The following WWOX variants were observed in gnomAD, a reference collection of about 807,000 sequenced individuals.
WWOX encodes WW domain containing oxidoreductase.
A neutral mutation model predicts 46.2 loss-of-function variants in WWOX; 69 were observed. The observed-to-expected ratio is 1.49, with a 90% confidence interval of 1.23 to 1.82. The LOEUF (loss-of-function observed/expected upper bound fraction) is 1.82. Ranked by LOEUF, WWOX falls within the 40% of genes most tolerant of loss-of-function variation. The pLI is 0.00. For synonymous variants in WWOX, 359 were observed against 202.6 expected, an observed-to-expected ratio of 1.77 and a Z score of -6.56; for missense variants, 919 against 542.6, an observed-to-expected ratio of 1.69 and a Z score of -6.89.
At chr16:78,622,953 C>T (rs1418727743) in intron 8 of WWOX, among the ~76,000 whole-genome samples, 3 of 152,030 alleles carry the variant, frequency 2.0e-5, no homozygotes, top group Non-Finnish European at 4.4e-5. Context: ...TAAGGAACTG[C>T]ATTTGGCTTC....
intron 8 of WWOX, among the ~76,000 whole-genome samples, chr16:78,855,068 G>C (rs2052535889): frequency 6.6e-6 from 1 of 152,146 alleles, no homozygotes; most frequent in African/African-American, 2.4e-5. Flanking sequence ...TACCTAGAAA[G>C]ATTAGGAAAG....
At chr16:78,269,479 T>TTG (rs1340525404) in intron 5 of WWOX, among the ~76,000 whole-genome samples, 1 of 152,150 alleles carries the variant, frequency 6.6e-6, no homozygotes, top group Non-Finnish European at 1.5e-5. Context: ...CTGTGACATA[T>TTG]TGTTTAACAC....
intron 4 of WWOX, among the ~76,000 whole-genome samples, chr16:78,159,797 G>A (rs2034730925): frequency 1.3e-5 from 2 of 149,098 alleles, no homozygotes; most frequent in Non-Finnish European, 3.0e-5. Context: ...CCCTTTCAGT[G>A]TCTTGATTGT....
chr16:78,875,809 A>G (rs2044222913), intron 8 of WWOX, among the ~76,000 whole-genome samples: 1 of 152,194 alleles, frequency 6.6e-6, no homozygotes, highest in African/African-American at 2.4e-5. Context: ...TGACACGGTT[A>G]TTGACTTACA....
intron 8 of WWOX, among the ~76,000 whole-genome samples, chr16:78,969,282 T>G (rs2046424013): frequency 6.6e-6 from 1 of 151,588 alleles, no homozygotes; most frequent in Non-Finnish European, 1.5e-5. Flanking sequence ...TTTTTTTTTT[T>G]CTTTTTGAGG....
At chr16:79,016,447 G>C (rs947336926) in intron 8 of WWOX, 4 of 152,278 alleles carry the variant, frequency 2.6e-5, no homozygotes, top group South Asian at 2.1e-4. Context: ...TTTTGAGACA[G>C]AGTCTCGCTC....
intron 8 of WWOX, among the ~76,000 whole-genome samples, chr16:79,136,982 C>G (rs922520420): frequency 1.3e-5 from 2 of 152,102 alleles, no homozygotes; most frequent in Admixed American, 6.5e-5. Context: ...AAATAGAGCT[C>G]CAAGGTGGAG....
intron 8 of WWOX, among the ~76,000 whole-genome samples, chr16:78,628,744 C>A (rs1055053416): frequency 3.3e-5 from 5 of 152,070 alleles, no homozygotes; most frequent in Non-Finnish European, 4.4e-5. Context: ...TAATTTCTTG[C>A]TTTCAAATGA....
At chr16:78,755,022 G>A (rs566726260) in intron 8 of WWOX, among the ~76,000 whole-genome samples, 2 of 150,574 alleles carry the variant, frequency 1.3e-5, no homozygotes, top group East Asian at 1.9e-4. Context: ...ACGGGAGGGG[G>A]GAACATCACA....
intron 8 of WWOX, among the ~76,000 whole-genome samples, chr16:78,878,240 G>T (rs770779180): frequency 1.3e-5 from 2 of 152,080 alleles, no homozygotes; most frequent in African/African-American, 2.4e-5. Flanking sequence ...TCATGACATT[G>T]GGCAGATGAC....
chr16:78,950,285 G>T (rs908921271), intron 8 of WWOX, among the ~76,000 whole-genome samples: 2 of 152,120 alleles, frequency 1.3e-5, no homozygotes, highest in African/African-American at 4.8e-5. Flanking sequence ...CCTTTGGAGT[G>T]GGGCGGTATT....
intron 8 of WWOX, among the ~76,000 whole-genome samples, chr16:78,927,495 C>A (rs2045525463): frequency 6.6e-6 from 1 of 152,120 alleles, no homozygotes; most frequent in Non-Finnish European, 1.5e-5. Context: ...CAGCACGGAG[C>A]CCAGAGCCAG....
At chr16:78,299,594 C>A (rs1053157782) in intron 5 of WWOX, among the ~76,000 whole-genome samples, 4 of 150,448 alleles carry the variant, frequency 2.7e-5, no homozygotes, top group Non-Finnish European at 5.9e-5. Context: ...TTGGCAAGAT[C>A]GTAGCTCACT....
intron 8 of WWOX, among the ~76,000 whole-genome samples, chr16:78,926,671 C>G (rs1403508892): frequency 6.6e-6 from 1 of 152,174 alleles, no homozygotes; most frequent in Non-Finnish European, 1.5e-5. Context: ...TGACCTTTAT[C>G]ATTTGTTCAG....
chr16:78,541,145 T>G (rs892663018), intron 8 of WWOX, among the ~76,000 whole-genome samples: 1 of 152,078 alleles, frequency 6.6e-6, no homozygotes, highest in African/African-American at 2.4e-5. Flanking sequence ...ATTTACAAAA[T>G]TGCACATACT....
chr16:78,520,864 A>G (rs551328525), intron 8 of WWOX, among the ~76,000 whole-genome samples: 8 of 152,302 alleles, frequency 5.3e-5, no homozygotes, highest in African/African-American at 1.9e-4. Context: ...GTTGTATCTT[A>G]TAGGCAAGAG....
chr16:78,893,766 C>G (rs1008582852), intron 8 of WWOX, among the ~76,000 whole-genome samples: 1 of 152,116 alleles, frequency 6.6e-6, no homozygotes, highest in African/African-American at 2.4e-5. Flanking sequence ...ACGTGCCTTT[C>G]TCTGTCTTTC....
chr16:78,628,007 G>C (rs1567447538), intron 8 of WWOX, among the ~76,000 whole-genome samples: 1 of 152,198 alleles, frequency 6.6e-6, no homozygotes, highest in Admixed American at 6.5e-5. Context: ...CTCAGGACCA[G>C]GGGTGAAGAG....
chr16:78,227,704 C>T (rs2037111065), intron 5 of WWOX, among the ~76,000 whole-genome samples: 1 of 152,012 alleles, frequency 6.6e-6, no homozygotes, highest in African/African-American at 2.4e-5. Flanking sequence ...TGGTGAAACC[C>T]TGTCTCTACT....
Sources: gnomAD v4.1 joint callset for allele counts (sites outside exome capture counted in the v4.1 genomes callset) on GRCh38, gnomAD v4.1.1 for gene constraint, MANE v1.5 for transcripts, NCBI Gene and HGNC (gene_info 2026-07-23, HGNC 2026-07-21) for gene names.